The following PTPRN2 variants were observed in gnomAD, a reference collection of about 807,000 sequenced individuals.
The protein encoded by PTPRN2 is receptor-type tyrosine-protein phosphatase N2.
A neutral mutation model predicts 118.8 loss-of-function variants in PTPRN2; 74 were observed. The ratio of observed to expected loss-of-function variants is 0.62; its 90% CI spans 0.52 to 0.76. The LOEUF (loss-of-function observed/expected upper bound fraction) is 0.76, where lower values mean the gene tolerates loss of function less well. Among genes scored for constraint, PTPRN2 ranks in the 30% least tolerant of loss-of-function variants. PTPRN2 has a pLI of 0.00. For missense variants in PTPRN2, 1,481 were observed against 1,394.4 expected (o/e 1.06, Z -0.99); for synonymous variants, 641 against 608.0 (o/e 1.05, Z -0.80).
In PTPRN2 at chr7:158,138,399, C is replaced by T. The variant is rs3752368; in HGVS notation, c.1027G>A (p.Val343Met). The change falls in exon 7 of 23, where the codon GTG becomes ATG. Residue 343 changes from valine to methionine, a missense_variant. Transcript: ENST00000389418. ...CTGCCTCGAGCTACTCCATGGTCCA[C>T]GCCTTGCATCAGGCCAGCCATCAGC... ...AELMAGLMQG[V>M]DHGVARGSPG... 7,371 of 1,613,696 alleles carry T rather than the reference C, an allele frequency of 4.6e-3. 220 individuals carry two copies. In the East Asian group the frequency reaches 0.08, roughly 17 times the overall value.
chr7:157,718,787 C>G (rs927878685), intron 12 of PTPRN2, among the ~76,000 whole-genome samples: 2 of 151,050 alleles, frequency 1.3e-5, no homozygotes, highest in Admixed American at 6.6e-5. Context: ...TCCAGGCGTC[C>G]GCGGTGACAC....
chr7:158,180,593 G>T (rs1400536288), intron 5 of PTPRN2, among the ~76,000 whole-genome samples: 2 of 152,156 alleles, frequency 1.3e-5, no homozygotes, highest in African/African-American at 4.8e-5. Flanking sequence ...GTTTCCATTT[G>T]TTTGTGTCAT....
intron 4 of PTPRN2, among the ~76,000 whole-genome samples, chr7:158,195,403 G>C (rs959578438): frequency 2.0e-5 from 3 of 152,024 alleles, no homozygotes; most frequent in Admixed American, 6.6e-5. Flanking sequence ...CACTGGTTTT[G>C]AGAAATTTTA....
intron 12 of PTPRN2, among the ~76,000 whole-genome samples, chr7:157,687,221 T>G (rs1038989054): frequency 4.6e-5 from 7 of 152,214 alleles, no homozygotes; most frequent in African/African-American, 1.7e-4. Flanking sequence ...CAGAACTTTT[T>G]TAGCTGTCCA....
chr7:157,603,099 A>T lies in PTPRN2; in HGVS notation c.2418+903T>A, dbSNP rs969487312. ...CTCTCCACCACTGGTTTAAAGTGCC[A>T]TCCGCCAGGTCTCCAAAGCCCCGGC... On this transcript the variant is annotated intron_variant, in intron 16 of 22. Coordinates refer to ENST00000389418, the MANE Select transcript of PTPRN2 (RefSeq NM_002847.5). This position sits in a 1 kb window ranked among gnomAD's most constrained non-coding sequence, Gnocchi z 5.4. Among the ~76,000 whole-genome samples, 1 of 152,184 alleles carries T rather than the reference A, an allele frequency of 6.6e-6. No individual in the cohort carries two copies. The highest frequency in any genetic ancestry group is 2.4e-5 in the African/African-American group (1 of 41,452).
chr7:158,469,214 G>A (rs1199098636), intron 2 of PTPRN2, among the ~76,000 whole-genome samples: 1 of 152,224 alleles, frequency 6.6e-6, no homozygotes, highest in African/African-American at 2.4e-5. Context: ...GGCCAAGGCA[G>A]GTGGATCATT....
chr7:158,486,148 A>G (rs925488721), intron 2 of PTPRN2, among the ~76,000 whole-genome samples: 2 of 152,208 alleles, frequency 1.3e-5, no homozygotes, highest in Non-Finnish European at 2.9e-5. Context: ...TTATTGGGGC[A>G]TATTCTCACA....
intron 13 of PTPRN2, among the ~76,000 whole-genome samples, chr7:157,679,458 A>G (rs1796817397): frequency 1.3e-5 from 2 of 152,216 alleles, no homozygotes; most frequent in East Asian, 1.9e-4. Context: ...TGCTTTTCCA[A>G]TAGGTAAGGC....
chr7:158,489,375 A>G (rs1821263044), intron 2 of PTPRN2, among the ~76,000 whole-genome samples: 1 of 152,136 alleles, frequency 6.6e-6, no homozygotes, highest in South Asian at 2.1e-4. Context: ...TGAGCCCAGG[A>G]GGCGAAGGTT....
chr7:157,644,776 C>T (rs1804929764), intron 14 of PTPRN2, among the ~76,000 whole-genome samples: 1 of 147,454 alleles, frequency 6.8e-6, no homozygotes, highest in African/African-American at 2.5e-5. Context: ...GCCTGGGCAA[C>T]AAGAGTGAAA....
At chr7:158,000,368 G>T (rs1805121010) in intron 11 of PTPRN2, among the ~76,000 whole-genome samples, 1 of 77,314 alleles carries the variant, frequency 1.3e-5, no homozygotes, top group South Asian at 4.9e-4. Flanking sequence ...AAAGCCCCAG[G>T]GCCATGCTTG....
chr7:158,578,282 CTTT>C (rs35928034), intron 1 of PTPRN2, among the ~76,000 whole-genome samples: 1 of 143,436 alleles, frequency 7.0e-6, no homozygotes. Context: ...TTTAAGTCAC[CTTT>C]TTTTTTTTTT....
intron 21 of PTPRN2, among the ~76,000 whole-genome samples, chr7:157,561,212 T>C (rs1342336302): frequency 6.6e-6 from 1 of 151,670 alleles, no homozygotes; most frequent in African/African-American, 2.4e-5. Flanking sequence ...TGCCATCCCT[T>C]CGGCCCCCGG....
In PTPRN2 at chr7:158,126,966, C is replaced by T. The variant is rs535856303; in HGVS notation, c.1556+6711G>A. 1.1e-4 allele frequency among the ~76,000 whole-genome samples: 16 copies of T among 152,294 alleles called. No individual in the cohort carries two copies. In the South Asian group the frequency reaches 2.3e-3, roughly 22 times the overall value. ...CCCACAGAGGTGAGCACGCAGCAGC[C>T]CCTAACGGTGGCCCGGTACCATCTG... is the stretch of plus-strand genomic sequence containing the variant. On this transcript the variant is annotated intron_variant, in intron 9 of 22. Transcript: ENST00000389418.
chr7:157,738,108 C>T (rs949296294), intron 12 of PTPRN2, among the ~76,000 whole-genome samples: 2 of 152,196 alleles, frequency 1.3e-5, no homozygotes, highest in African/African-American at 4.8e-5. Flanking sequence ...CTATTAAGGC[C>T]TCTCGGTATT....
intron 12 of PTPRN2, among the ~76,000 whole-genome samples, chr7:157,699,599 TG>T (rs1432456334): frequency 6.6e-6 from 1 of 152,200 alleles, no homozygotes; most frequent in Non-Finnish European, 1.5e-5. Flanking sequence ...AATTTTTTTT[TG>T]TATTTTTAGT....
At chr7:157,563,664 T>C (rs1306907079) in intron 21 of PTPRN2, among the ~76,000 whole-genome samples, 1 of 140,936 alleles carries the variant, frequency 7.1e-6, no homozygotes, top group Non-Finnish European at 1.5e-5. Context: ...GACCACGTGC[T>C]CCCGCATCAC....
intron 2 of PTPRN2, among the ~76,000 whole-genome samples, chr7:158,328,798 C>T (rs752980795): frequency 2.8e-4 from 41 of 147,210 alleles, no homozygotes; most frequent in South Asian, 2.2e-4. Context: ...TCCATTCCCC[C>T]CCCCCCGCCA....
chr7:157,652,302 C>A (rs1206805557), intron 14 of PTPRN2, among the ~76,000 whole-genome samples: 1 of 152,220 alleles, frequency 6.6e-6, no homozygotes, highest in Non-Finnish European at 1.5e-5. Context: ...GGTGAGGTCT[C>A]AGGATGGGCG....
Sources: allele counts gnomAD v4.1 joint callset (sites outside exome capture counted in the v4.1 genomes callset), GRCh38; gene constraint gnomAD v4.1.1; non-coding constraint Gnocchi (gnomAD v3.1); transcripts MANE v1.5; gene names NCBI Gene and HGNC (gene_info 2026-07-23, HGNC 2026-07-21).